Variants in KSR2 observed in about 807,000 individuals in gnomAD.
KSR2 encodes the protein kinase suppressor of ras 2.
KSR2 carries 25 observed loss-of-function variants against 107.8 expected under a neutral mutation model. That is an observed-to-expected ratio of 0.23 (90% confidence interval 0.17 to 0.32). The LOEUF (loss-of-function observed/expected upper bound fraction) is 0.32. Ranked by LOEUF, KSR2 falls within the 10% of genes least tolerant of loss-of-function variation. KSR2 has a pLI of 1.00. For synonymous variants in KSR2, 480 were observed against 507.0 expected (o/e 0.95, Z 0.71); for missense variants, 887 against 1,268.9 (o/e 0.70, Z 4.57).
intron 4 of KSR2, among the ~76,000 whole-genome samples, chr12:117,696,170 CTGAAGT>C (rs777960422): frequency 1.3e-5 from 2 of 152,140 alleles, no homozygotes; most frequent in Non-Finnish European, 2.9e-5. Flanking sequence ...CTCCGGCCCA[CTGAAGT>C]ACAGCTCAAA....
At position 117,579,044 on chromosome 12, in the gene KSR2, G is replaced by A. The variant is rs113809861; in HGVS notation, c.1325+75C>T. The A allele has an allele frequency of 6.2e-5, 63 of 1,021,040 alleles. No homozygotes were observed. In the African/African-American group the frequency reaches 8.1e-4, roughly 13 times the overall value. 63.2% of individuals were successfully genotyped at this position (1,021,040 alleles called of 1,614,324 possible). ...AGAGTGAAGAAATCAAACTCCCAAA[G>A]GCTGTTCAGTGCCCTGCATGGTTCT... On this transcript the variant is annotated intron_variant, in intron 7 of 19. Transcript: ENST00000339824.
intron 1 of KSR2, among the ~76,000 whole-genome samples, chr12:117,872,262 T>C (rs1893676355): frequency 6.6e-6 from 1 of 152,180 alleles, no homozygotes; most frequent in Non-Finnish European, 1.5e-5. Context: ...CCCTCTTTCC[T>C]CAGTTTCCAA....
At chr12:117,779,407 C>T (rs1330118524) in intron 3 of KSR2, among the ~76,000 whole-genome samples, 1 of 152,184 alleles carries the variant, frequency 6.6e-6, no homozygotes, top group East Asian at 1.9e-4. Flanking sequence ...TTCTTAACCT[C>T]TCTGAACTTC....
At chr12:117,782,388 C>T (rs566724325) in intron 3 of KSR2, among the ~76,000 whole-genome samples, 58 of 152,214 alleles carry the variant, frequency 3.8e-4, no homozygotes, top group African/African-American at 1.3e-3. Flanking sequence ...CTTGGTCTCC[C>T]GAGTAGCTAG....
At chr12:117,474,957 C>A (rs563694511) in intron 17 of KSR2, among the ~76,000 whole-genome samples, 3 of 152,258 alleles carry the variant, frequency 2.0e-5, no homozygotes, top group South Asian at 2.1e-4. Flanking sequence ...TTGCTTAAGG[C>A]AGCTATCTAG....
At chr12:117,840,784 C>T (rs1317918763) in intron 3 of KSR2, among the ~76,000 whole-genome samples, 2 of 150,970 alleles carry the variant, frequency 1.3e-5, no homozygotes, top group East Asian at 2.0e-4. Context: ...GGGCGAATCA[C>T]GAGGTCAGGA....
intron 4 of KSR2, among the ~76,000 whole-genome samples, chr12:117,745,186 G>A (rs1888364409): frequency 2.0e-5 from 3 of 152,088 alleles, no homozygotes; most frequent in Non-Finnish European, 4.4e-5. Context: ...TGGGTAAAAT[G>A]GAATCTCTTC....
intron 4 of KSR2, among the ~76,000 whole-genome samples, chr12:117,745,950 A>G (rs1888391202): frequency 6.6e-6 from 1 of 152,196 alleles, no homozygotes; most frequent in Non-Finnish European, 1.5e-5. Context: ...GCAAACGGAA[A>G]AACATTCCAT....
intron 4 of KSR2, among the ~76,000 whole-genome samples, chr12:117,719,183 C>A (rs1245764616): frequency 2.0e-5 from 3 of 152,146 alleles, no homozygotes; most frequent in African/African-American, 7.2e-5. Context: ...CATGCTTCCA[C>A]TTTTTCTTGA....
chr12:117,942,545 G>A (rs769191727), intron 1 of KSR2, among the ~76,000 whole-genome samples: 15 of 146,900 alleles, frequency 1.0e-4, no homozygotes, highest in Admixed American at 3.4e-4. Context: ...CTGGAGTGTA[G>A]TAGTGGGATC....
intron 7 of KSR2, among the ~76,000 whole-genome samples, chr12:117,567,635 C>A (rs1486494737): frequency 6.9e-6 from 1 of 145,812 alleles, no homozygotes; most frequent in Non-Finnish European, 1.5e-5. Context: ...CAGGTCACTG[C>A]ATTAAGTGTT....
intron 1 of KSR2, among the ~76,000 whole-genome samples, chr12:117,914,556 C>T (rs543719858): frequency 1.6e-4 from 25 of 152,144 alleles, no homozygotes; most frequent in Admixed American, 3.9e-4. Context: ...ATTTATTTTA[C>T]GAGACAGGAT....
chr12:117,761,457 A>G lies in KSR2; in HGVS notation c.540T>C (p.Asn180=). The stretch of plus-strand genomic sequence containing the variant: ...GGGTGGGCTCCGGGGGGCACACGGG[A>G]TTGTTCTCCTTCCCCGTCTCTGTCG... ...WPTTETGKEN[N]PVCPPEPTPW... is the part of the protein sequence containing the mutation. Residue 180 remains asparagine, a synonymous_variant, in exon 4 of 20, where the codon AAT becomes AAC. Transcript: ENST00000339824. 1 of 1,612,920 alleles carries G rather than the reference A, an allele frequency of 6.2e-7. No homozygotes were observed. Among genetic ancestry groups the G allele is most frequent in the Non-Finnish European group, 8.5e-7 (1 of 1,179,580 alleles).
intron 1 of KSR2, among the ~76,000 whole-genome samples, chr12:117,903,890 C>T (rs1388711001): frequency 6.6e-6 from 1 of 151,960 alleles, no homozygotes; most frequent in Non-Finnish European, 1.5e-5. Flanking sequence ...TCCCAGCTAC[C>T]TGGGAGGCTG....
chr12:117,724,609 G>A (rs1887345355), intron 4 of KSR2, among the ~76,000 whole-genome samples: 1 of 151,334 alleles, frequency 6.6e-6, no homozygotes, highest in Non-Finnish European at 1.5e-5. Flanking sequence ...TGCAGTTCTG[G>A]ACTGTTGGAT....
chr12:117,513,533 G>A (rs1382175812), intron 14 of KSR2, among the ~76,000 whole-genome samples: 1 of 152,220 alleles, frequency 6.6e-6, no homozygotes, highest in Admixed American at 6.5e-5. Context: ...AAAGGGACAA[G>A]TGGCAGGGTT....
At chr12:117,517,637 G>T (rs1381119635) in intron 14 of KSR2, 1 of 353,620 alleles carries the variant, frequency 2.8e-6, no homozygotes, top group East Asian at 7.3e-5. Flanking sequence ...TACATTTATA[G>T]CGCTTCCTTC....
chr12:117,470,773 T>C (rs1165220224), intron 18 of KSR2, among the ~76,000 whole-genome samples: 1 of 152,274 alleles, frequency 6.6e-6, no homozygotes, highest in Non-Finnish European at 1.5e-5. Context: ...AATATTAATG[T>C]ATACCCAGGC....
chr12:117,599,411 G>A (rs189783574), intron 5 of KSR2, among the ~76,000 whole-genome samples: 51 of 152,296 alleles, frequency 3.3e-4, no homozygotes, highest in Non-Finnish European at 6.6e-4. Flanking sequence ...TGCTGATTCA[G>A]TGAGACAAAG....
Sources: allele counts gnomAD v4.1 joint callset (sites outside exome capture counted in the v4.1 genomes callset), GRCh38; gene constraint gnomAD v4.1.1; transcripts MANE v1.5; gene names NCBI Gene and HGNC (gene_info 2026-07-23, HGNC 2026-07-21).